The following MDN1 variants were observed in gnomAD, a reference collection of about 807,000 sequenced individuals.
MDN1 encodes midasin.
MDN1 carries 266 observed loss-of-function variants against 669.2 expected under a neutral mutation model. That is an observed-to-expected ratio of 0.40 (90% CI 0.36 to 0.44). MDN1 has a LOEUF of 0.44. Ranked by LOEUF, MDN1 falls within the 20% of genes least tolerant of loss-of-function variation. The pLI is 1.00. For synonymous variants in MDN1, 2,385 were observed against 2,457.1 expected, an observed-to-expected ratio of 0.97 and a Z score of 0.87; for missense variants, 5,940 against 6,754.0, an observed-to-expected ratio of 0.88 and a Z score of 4.22.
chr6:89,817,966 C>T (rs941723460), intron 1 of MDN1, among the ~76,000 whole-genome samples: 3 of 152,074 alleles, frequency 2.0e-5, no homozygotes, highest in Non-Finnish European at 4.4e-5. Flanking sequence ...CCAGATTTGT[C>T]CCTGGGAGCA....
intron 86 of MDN1, 22 bp from the exon 87 acceptor site, chr6:89,662,261 A>G: frequency 6.3e-7 from 1 of 1,598,852 alleles, no homozygotes; most frequent in East Asian, 2.2e-5. Context: ...AGGAAGAAAA[A>G]ACAATCATCA....
At chr6:89,645,226 A>C (rs948029351) in intron 100 of MDN1, 69 bp from the exon 101 acceptor site, 43 of 1,491,408 alleles carry the variant, frequency 2.9e-5, no homozygotes, top group Non-Finnish European at 3.7e-5. Flanking sequence ...ACAACTACCC[A>C]AAGTAGGACA....
intron 17 of MDN1, 67 bp downstream of exon 17, chr6:89,761,578 C>G: frequency 1.7e-6 from 2 of 1,174,798 alleles, no homozygotes; most frequent in Non-Finnish European, 2.4e-6. Flanking sequence ...AAAATAGTAA[C>G]CTGCCTGAAA....
chr6:89,674,536 G>A lies in MDN1; in HGVS notation c.12815C>T (p.Ala4272Val), dbSNP rs768815623. The change falls in exon 79 of 102, where the codon GCC becomes GTC. Residue 4272 changes from alanine to valine, a missense_variant. Ala to Val is a moderately conservative substitution (Grantham distance 64). Around this residue, in one of 5 missense-constraint regions of MDN1, gnomAD observed 2,280 missense variants for 2,576.3 expected, o/e 0.88. Coordinates refer to ENST00000369393, the MANE Select transcript of MDN1 (RefSeq NM_014611.3). The part of the protein sequence containing the change: ...EIHSRLMGPQ[A>V]YPVAFPPQDG... ...CTGAGGGGGGAAGGCCACGGGGTAGGCCTGGGGCCCCATCAGCCTGCTGTG... is the reference window on the plus strand; with the variant it reads ...CTGAGGGGGGAAGGCCACGGGGTAGACCTGGGGCCCCATCAGCCTGCTGTG... 1 of 1,601,276 alleles carries A rather than the reference G, an allele frequency of 6.2e-7. No homozygotes were observed. The highest frequency in any genetic ancestry group is 1.1e-5 in the South Asian group (1 of 90,640).
chr6:89,773,896 TGG>T, intron 13 of MDN1, among the ~76,000 whole-genome samples: 1 of 151,404 alleles, frequency 6.6e-6, no homozygotes, highest in African/African-American at 2.4e-5. Flanking sequence ...ACCAGGCAGC[TGG>T]AGGTTTCTGT....
chr6:89,756,355 T>G lies in MDN1; in HGVS notation c.2738A>C (p.Lys913Thr). The G allele has an allele frequency of 6.3e-7, 1 of 1,599,334 alleles. No homozygotes were observed. The highest frequency in any genetic ancestry group is 8.5e-7 in the Non-Finnish European group (1 of 1,171,482). Residue 913 changes from lysine to threonine, a missense_variant, in exon 20 of 102, where the codon AAA (lysine) becomes ACA (threonine). Lys to Thr is a moderately conservative substitution (Grantham distance 78). Coordinates refer to ENST00000369393, the MANE Select transcript of MDN1 (RefSeq NM_014611.3). ...TACAATAAGAACCTGTAAGTCTTCTTTGCTTTCTAATTCTTCTACATAAAG... is the reference window on the plus strand; with the variant it reads ...TACAATAAGAACCTGTAAGTCTTCTGTGCTTTCTAATTCTTCTACATAAAG... ...TELYVEELES[K>T]EDLQVLIVDY... is the part of the protein sequence containing the mutation.
intron 22 of MDN1, 30 bp downstream of exon 22, chr6:89,753,481 GT>G: frequency 6.6e-7 from 1 of 1,514,988 alleles, no homozygotes; most frequent in Non-Finnish European, 9.1e-7. Flanking sequence ...CCTTTCAAGT[GT>G]AACAAGTCAA....
At chr6:89,806,645 G>A (rs1488613718) in intron 1 of MDN1, among the ~76,000 whole-genome samples, 1 of 152,232 alleles carries the variant, frequency 6.6e-6, no homozygotes, top group East Asian at 1.9e-4. Context: ...TTGAACCCAG[G>A]AGGCGGAGGT....
At chr6:89,648,989 T>TAAAA (rs35332439) in intron 97 of MDN1, among the ~76,000 whole-genome samples, 4 of 135,020 alleles carry the variant, frequency 3.0e-5, no homozygotes, top group African/African-American at 5.6e-5. Context: ...ACCCTGTCTT[T>TAAAA]AAAAAAAAAA....
rs542491812 is a variant in MDN1 at position 89,690,593 on chromosome 6, A to G, written c.10749+80T>C. 4 of 1,520,466 alleles carry G rather than the reference A, an allele frequency of 2.6e-6. No individual in the cohort carries two copies. In the East Asian group the frequency reaches 9.0e-5, roughly 34 times the overall value. The allele number at this position is 1,520,466 out of a possible 1,614,324, so 94.2% of individuals were successfully genotyped here. A position where few individuals can be genotyped will look rare whatever the true frequency, so the allele number is the denominator to read the frequency against. On this transcript the variant is annotated intron_variant, in intron 64 of 101. Coordinates refer to ENST00000369393, the MANE Select transcript of MDN1 (RefSeq NM_014611.3). ...ACATACAGAGAGAGAGATAAAGAGG[A>G]AGAGAGAAAGCCATCAGAGGGAATG...
At chr6:89,667,618 C>A (rs866918219) in intron 84 of MDN1, among the ~76,000 whole-genome samples, 2 of 152,110 alleles carry the variant, frequency 1.3e-5, no homozygotes, top group Non-Finnish European at 2.9e-5. Flanking sequence ...CACTCTATGC[C>A]TTAAAGATAT....
chr6:89,698,822 T>C, intron 59 of MDN1, 43 bp downstream of exon 59: 1 of 1,597,864 alleles, frequency 6.3e-7, no homozygotes, highest in Non-Finnish European at 8.6e-7. Context: ...CAGAAACTCT[T>C]TTGCCACTAT....
At chr6:89,715,918 T>G (rs557278930) in intron 44 of MDN1, 149 bp from the exon 45 acceptor site, 1 of 663,944 alleles carries the variant, frequency 1.5e-6, no homozygotes. Context: ...CTTTCAAAAG[T>G]AGATTCCCCA....
intron 44 of MDN1, among the ~76,000 whole-genome samples, 198 bp from the exon 45 acceptor site, chr6:89,715,967 G>A (rs903138015): frequency 6.6e-6 from 1 of 152,046 alleles, no homozygotes; most frequent in African/African-American, 2.4e-5. Context: ...CATAGCCCAG[G>A]GCCTTATACA....
chr6:89,699,675 A>T lies in MDN1; in HGVS notation c.8923T>A (p.Ser2975Thr). ...ACAGGTGTGTGATAAAGACAAAATG[A>T]GATGAGGTGACTTATCTCCTCATTT... Reference protein sequence around the residue: ...QINEEISHLISFCLYHTPVTP... With the variant: ...QINEEISHLITFCLYHTPVTP... Residue 2975 changes from serine to threonine, a missense_variant, in exon 58 of 102, where the codon TCA becomes ACA. By Grantham distance (58) the Ser-to-Thr change is moderately conservative. Transcript: ENST00000369393. The T allele has an allele frequency of 6.2e-7, 1 of 1,614,070 alleles. No homozygotes were observed. The highest frequency in any genetic ancestry group is 8.5e-7 in the Non-Finnish European group (1 of 1,179,974).
At chr6:89,819,433 G>T in intron 1 of MDN1, 73 bp downstream of exon 1, 3 of 1,359,402 alleles carry the variant, frequency 2.2e-6, no homozygotes, top group Non-Finnish European at 3.1e-6. Flanking sequence ...GAGTATCGGC[G>T]GGGGAGCGCA....
rs896706534 is a variant in MDN1, at chr6:89,695,474, C to T, written c.9771+131G>A. 4.1e-6 allele frequency: 5 copies of T among 1,205,888 alleles called. No individual in the cohort carries two copies. In the African/African-American group the frequency reaches 6.1e-5, roughly 15 times the overall value. 74.7% of individuals were successfully genotyped at this position (1,205,888 alleles called of 1,614,324 possible). ...TCTCTAAAACAGACTCCTGGGAAGT[C>T]ATAAGGCAACTTATGCAATATCATG... On this transcript the variant is annotated intron_variant, in intron 61 of 101. Transcript: ENST00000369393. This position sits in a 1 kb window ranked among gnomAD's most constrained non-coding sequence, Gnocchi z 4.1.
intron 3 of MDN1, 22 bp from the exon 4 acceptor site, chr6:89,794,229 A>T: frequency 7.2e-7 from 1 of 1,381,030 alleles, no homozygotes; most frequent in Non-Finnish European, 1.0e-6. Flanking sequence ...GAAAGTATGT[A>T]AATTCAGTTT....
intron 100 of MDN1, among the ~76,000 whole-genome samples, chr6:89,645,938 G>T (rs1416401581): frequency 6.6e-6 from 1 of 152,116 alleles, no homozygotes; most frequent in Non-Finnish European, 1.5e-5. Flanking sequence ...GGATTAGCTG[G>T]TTTTTATATT....
Sources: allele counts gnomAD v4.1 joint callset (sites outside exome capture counted in the v4.1 genomes callset), GRCh38; gene constraint gnomAD v4.1.1; regional missense constraint gnomAD v4.1.1; non-coding constraint Gnocchi (gnomAD v3.1); transcripts MANE v1.5; gene names NCBI Gene and HGNC (gene_info 2026-07-23, HGNC 2026-07-21).